Variants in ITIH2 observed in about 807,000 individuals in gnomAD.
The protein encoded by ITIH2 is inter-alpha-trypsin inhibitor heavy chain 2, also known as inter-alpha-trypsin inhibitor heavy chain H2.
A neutral mutation model predicts 104.4 loss-of-function variants in ITIH2; 103 were observed. The observed-to-expected ratio is 0.99, with a 90% CI of 0.84 to 1.16. ITIH2 has a LOEUF of 1.16. Ranked by LOEUF, ITIH2 falls within the 50% of genes most tolerant of loss-of-function variation. ITIH2 has a pLI of 0.00. For missense variants in ITIH2, 1,108 were observed against 1,162.4 expected (o/e 0.95, Z 0.68); for synonymous variants, 436 against 435.4 (o/e 1.00, Z -0.02).
intron 3 of ITIH2, among the ~76,000 whole-genome samples, chr10:7,708,409 A>C (rs1409074456): frequency 6.6e-6 from 1 of 152,216 alleles, no homozygotes; most frequent in African/African-American, 2.4e-5. Flanking sequence ...CAATACTTGC[A>C]TCAGAATGCC....
chr10:7,722,104 A>T (rs1834909637), intron 8 of ITIH2, among the ~76,000 whole-genome samples: 1 of 152,114 alleles, frequency 6.6e-6, no homozygotes, highest in Admixed American at 6.6e-5. Context: ...AAGCACAGAG[A>T]TTACGGGGTG....
In ITIH2 at chr10:7,729,974, T is replaced by C; in HGVS notation, c.1302T>C (p.Ile434=). 1 of 1,603,738 alleles carries C rather than the reference T, an allele frequency of 6.2e-7. No individual in the cohort carries two copies. Among genetic ancestry groups the C allele is most frequent in the Non-Finnish European group, 8.5e-7 (1 of 1,176,298 alleles). Residue 434 remains isoleucine (I), a synonymous_variant, in exon 12 of 21, where the codon ATT becomes ATC. Coordinates refer to ENST00000358415, the MANE Select transcript of ITIH2 (RefSeq NM_002216.3). ...TAGGCGAACTAAAACTGTCAAAAAT[T>C]CAGAAAAACGTTAAGGAGAACATCC... ...PTVGELKLSK[I]QKNVKENIQD...
chr10:7,721,851 G>T, intron 8 of ITIH2, 74 bp downstream of exon 8: 1 of 1,540,936 alleles, frequency 6.5e-7, no homozygotes, highest in East Asian at 2.3e-5. Context: ...CAAACTCCCA[G>T]GCCTATGGGT....
intron 9 of ITIH2, among the ~76,000 whole-genome samples, chr10:7,725,945 G>A (rs1046060658): frequency 2.6e-5 from 4 of 152,188 alleles, no homozygotes; most frequent in Admixed American, 1.3e-4. Flanking sequence ...GTAAGTGGGG[G>A]AGAAAAATCA....
chr10:7,740,827 G>A (rs1048169544), intron 16 of ITIH2, among the ~76,000 whole-genome samples: 8 of 152,186 alleles, frequency 5.3e-5, no homozygotes, highest in Admixed American at 6.5e-5. Context: ...CTTCCTAGTA[G>A]AAGCTGTTAT....
At chr10:7,723,235 T>C (rs1231772711) in intron 8 of ITIH2, among the ~76,000 whole-genome samples, 1 of 151,270 alleles carries the variant, frequency 6.6e-6, no homozygotes, top group Non-Finnish European at 1.5e-5. Context: ...TGAAGCAGCG[T>C]GGAGTGGAGT....
chr10:7,723,569 T>C lies in ITIH2; in HGVS notation c.984+2T>C. On this transcript the variant is annotated splice_donor_variant, in intron 9 of 20. Coordinates refer to ENST00000358415, the MANE Select transcript of ITIH2 (RefSeq NM_002216.3). LOFTEE classifies it high-confidence loss of function. ...ATGTGGGGAGTTAAAATGAAACAAG[T>C]AAGTACCCCCTTGTTTGCAGTGGTT... is the stretch of plus-strand genomic sequence containing the variant. The C allele has an allele frequency of 6.4e-7, 1 of 1,551,774 alleles. No individual in the cohort carries two copies. The highest frequency in any genetic ancestry group is 1.7e-5 in the Admixed American group (1 of 59,916).
intron 5 of ITIH2, among the ~76,000 whole-genome samples, chr10:7,717,056 C>T (rs960878528): frequency 1.3e-5 from 2 of 151,774 alleles, no homozygotes; most frequent in African/African-American, 4.8e-5. Flanking sequence ...CTGGTTCAAG[C>T]ATTTCTCCTG....
intron 15 of ITIH2, among the ~76,000 whole-genome samples, chr10:7,738,230 ATATAT>A (rs1221979964): frequency 1.8e-5 from 2 of 109,596 alleles, no homozygotes; most frequent in African/African-American, 7.0e-5. Context: ...ATATAATATT[ATATAT>A]TATATTCTAT....
intron 6 of ITIH2, among the ~76,000 whole-genome samples, chr10:7,719,221 C>T (rs1271902409): frequency 6.6e-6 from 1 of 152,216 alleles, no homozygotes; most frequent in African/African-American, 2.4e-5. Context: ...GGCATCAGTT[C>T]ACTATCAGAG....
rs369352890 is a variant in ITIH2 at position 7,706,752 on chromosome 10, G to T, written c.160-449G>T. On this transcript the variant is annotated intron_variant, in intron 2 of 20. Transcript: ENST00000358415. Reference sequence around the variant, plus strand: ...ATTCTGCTGGAGCTGAGATCTGAAGGGTGAGTAGGAGTTCTCCATATGGGG... The same window carrying T: ...ATTCTGCTGGAGCTGAGATCTGAAGTGTGAGTAGGAGTTCTCCATATGGGG... Among the ~76,000 whole-genome samples the T allele has an allele frequency of 2.6e-5, 4 of 152,274 alleles. No individual in the cohort carries two copies. In the East Asian group the frequency reaches 5.8e-4, roughly 22 times the overall value.
Position 7,744,802 on chromosome 10 carries a change from C to T in ITIH2, c.2420C>T (p.Ser807Leu), listed in dbSNP as rs768284181. ...GACTTTCACACCAGGGTGCAGATCT[C>T]AGTGAAGAAAGAAAAAGTGGTAACT... is the stretch of plus-strand genomic sequence containing the variant. ...AQVTNQRVQI[S>L]VKKEKVVTIT... Residue 807 changes from serine to leucine, a missense_variant, in exon 19 of 21, where the codon TCA (serine) becomes TTA (leucine). Coordinates refer to ENST00000358415, the MANE Select transcript of ITIH2 (RefSeq NM_002216.3). 7 of 1,613,568 alleles carry T rather than the reference C, an allele frequency of 4.3e-6. No individual in the cohort carries two copies. The highest frequency in any genetic ancestry group is 5.9e-6 in the Non-Finnish European group (7 of 1,179,750).
At chr10:7,713,372 T>C (rs1256676884) in intron 5 of ITIH2, 87 bp downstream of exon 5, 6 of 1,059,584 alleles carry the variant, frequency 5.7e-6, no homozygotes, top group Non-Finnish European at 8.6e-6. Context: ...AAGCAGCCTC[T>C]GGAAAGGCAC....
At chr10:7,721,841 C>A (rs1834907209) in intron 8 of ITIH2, 64 bp downstream of exon 8, 4 of 1,587,328 alleles carry the variant, frequency 2.5e-6, no homozygotes, top group Middle Eastern at 1.7e-4. Context: ...CCTTTTTGAA[C>A]AAACTCCCAG....
At chr10:7,734,488 A>G (rs900986208) in intron 14 of ITIH2, among the ~76,000 whole-genome samples, 3 of 152,154 alleles carry the variant, frequency 2.0e-5, no homozygotes, top group African/African-American at 7.2e-5. Context: ...TGAGTCCAAG[A>G]GTTTGAGACC....
intron 15 of ITIH2, among the ~76,000 whole-genome samples, chr10:7,737,698 T>A (rs374029921): frequency 3.2e-4 from 12 of 37,438 alleles, no homozygotes; most frequent in African/African-American, 2.1e-3. Context: ...ATATTCTATA[T>A]AATATTCTAT....
intron 20 of ITIH2, among the ~76,000 whole-genome samples, chr10:7,747,268 G>A (rs987712245): frequency 2.0e-5 from 3 of 152,118 alleles, no homozygotes; most frequent in African/African-American, 4.8e-5. Context: ...ATTTGATACC[G>A]TTTTAAAGCA....
At chr10:7,718,318 G>C (rs1001177808) in intron 6 of ITIH2, among the ~76,000 whole-genome samples, 1 of 152,114 alleles carries the variant, frequency 6.6e-6, no homozygotes, top group Non-Finnish European at 1.5e-5. Context: ...GGTAGTACAG[G>C]ATGATCTCAA....
chr10:7,731,259 G>A (rs1262514816), intron 12 of ITIH2, among the ~76,000 whole-genome samples: 5 of 152,028 alleles, frequency 3.3e-5, no homozygotes, highest in East Asian at 1.9e-4. Flanking sequence ...AGTTTTTCAC[G>A]CTGACCGTAA....
Sources: gnomAD v4.1 joint callset for allele counts (sites outside exome capture counted in the v4.1 genomes callset) on GRCh38, gnomAD v4.1.1 for gene constraint, MANE v1.5 for transcripts, NCBI Gene and HGNC (gene_info 2026-07-23, HGNC 2026-07-21) for gene names.